Variants in EBF1 observed in about 807,000 individuals in gnomAD.
EBF1 encodes EBF transcription factor 1.
EBF1 carries 10 observed loss-of-function variants against 68.4 expected under a neutral mutation model. The ratio of observed to expected loss-of-function variants is 0.15; its 90% CI spans 0.09 to 0.25. The LOEUF (loss-of-function observed/expected upper bound fraction) is 0.25, where lower values mean the gene tolerates loss of function less well. EBF1 is among the 10% of genes least tolerant of loss of function. EBF1 has a pLI of 1.00. For missense variants in EBF1, 509 were observed against 794.4 expected (o/e 0.64, Z 4.32); for synonymous variants, 298 against 299.8 (o/e 0.99, Z 0.06).
At chr5:158,897,569 C>T (rs1802415359) in intron 6 of EBF1, among the ~76,000 whole-genome samples, 1 of 151,670 alleles carries the variant, frequency 6.6e-6, no homozygotes, top group South Asian at 2.1e-4. Flanking sequence ...TGGCCCTGAA[C>T]TTAAACGTTA....
intron 6 of EBF1, among the ~76,000 whole-genome samples, chr5:158,904,248 G>T (rs985304720): frequency 1.3e-5 from 2 of 152,178 alleles, no homozygotes; most frequent in Non-Finnish European, 2.9e-5. Context: ...CACAGTGCCT[G>T]CTTGAGAGGG....
At chr5:158,733,441 C>T (rs540660769) in intron 10 of EBF1, among the ~76,000 whole-genome samples, 9 of 152,070 alleles carry the variant, frequency 5.9e-5, no homozygotes, top group African/African-American at 2.2e-4. Context: ...TGATGTATGG[C>T]GGGGAGAGAG....
intron 6 of EBF1, among the ~76,000 whole-genome samples, chr5:158,918,884 C>T (rs1171231354): frequency 6.6e-6 from 1 of 152,212 alleles, no homozygotes; most frequent in Non-Finnish European, 1.5e-5. Flanking sequence ...TGCATGCTTG[C>T]TTTCTTGAAA....
chr5:158,712,557 C>T (rs368396208), intron 13 of EBF1, among the ~76,000 whole-genome samples: 1 of 152,084 alleles, frequency 6.6e-6, no homozygotes, highest in Admixed American at 6.5e-5. Flanking sequence ...TTAGCAGGGC[C>T]GTGAGAAATG....
At chr5:159,013,999 G>T (rs1341959396) in intron 6 of EBF1, among the ~76,000 whole-genome samples, 1 of 152,184 alleles carries the variant, frequency 6.6e-6, no homozygotes, top group East Asian at 1.9e-4. Context: ...TAAAGGGTAA[G>T]TTCCAAATTA....
intron 6 of EBF1, among the ~76,000 whole-genome samples, chr5:158,994,436 G>A (rs1162693919): frequency 6.6e-6 from 1 of 152,202 alleles, no homozygotes; most frequent in East Asian, 1.9e-4. Context: ...AAGTCTAAAT[G>A]TGTCTTGTTA....
intron 10 of EBF1, among the ~76,000 whole-genome samples, chr5:158,760,601 C>G (rs957453860): frequency 1.9e-4 from 29 of 152,100 alleles, no homozygotes; most frequent in Admixed American, 1.8e-3. Context: ...GCAACTATTC[C>G]AACTCTGCAG....
intron 8 of EBF1, among the ~76,000 whole-genome samples, chr5:158,806,274 C>G (rs77042966): frequency 1.3e-5 from 2 of 151,952 alleles, no homozygotes; most frequent in Non-Finnish European, 2.9e-5. Context: ...AAACAAGGTG[C>G]GAACGAAAGA....
intron 8 of EBF1, among the ~76,000 whole-genome samples, chr5:158,805,670 T>C (rs1781451377): frequency 6.6e-6 from 1 of 152,078 alleles, no homozygotes. Flanking sequence ...TGTCTTTCTC[T>C]TCCTATTGAA....
At chr5:158,779,024 T>G (rs1775882494) in intron 9 of EBF1, among the ~76,000 whole-genome samples, 1 of 152,070 alleles carries the variant, frequency 6.6e-6, no homozygotes, top group Non-Finnish European at 1.5e-5. Context: ...GAAATCGAGT[T>G]TAATAATGTA....
Position 158,696,306 on chromosome 5 carries a change from A to C in EBF1, c.*2805T>G. 1 of 220,792 alleles carries C rather than the reference A, an allele frequency of 4.5e-6. No homozygotes were observed. The highest frequency in any genetic ancestry group is 9.1e-6 in the Non-Finnish European group (1 of 110,232). The allele number at this position is 220,792 out of a possible 1,614,324, so 13.7% of individuals were successfully genotyped here. A position where few individuals can be genotyped will look rare whatever the true frequency, so the allele number is the denominator to read the frequency against. On this transcript the variant is annotated 3_prime_UTR_variant, in exon 16 of 16. Coordinates refer to ENST00000313708, the MANE Select transcript of EBF1 (RefSeq NM_024007.5). Reference sequence around the variant, plus strand: ...AAAACTTTTGTGGAGAAGAAAGAGGATCAGAGGGCCAGAATGTCTTTTCAT... The same window carrying C: ...AAAACTTTTGTGGAGAAGAAAGAGGCTCAGAGGGCCAGAATGTCTTTTCAT...
chr5:158,749,907 G>A (rs1444276962), intron 10 of EBF1, among the ~76,000 whole-genome samples: 1 of 152,094 alleles, frequency 6.6e-6, no homozygotes, highest in African/African-American at 2.4e-5. Flanking sequence ...GTCCCACTCT[G>A]AGTATTGAAT....
intron 7 of EBF1, among the ~76,000 whole-genome samples, chr5:158,838,445 CA>C (rs11464337): frequency 2.7e-4 from 30 of 110,518 alleles, no homozygotes; most frequent in African/African-American, 6.0e-4. Context: ...GACTCCATCT[CA>C]AAAAAAAAAA....
At chr5:158,755,199 C>A (rs1010157138) in intron 10 of EBF1, among the ~76,000 whole-genome samples, 3 of 151,592 alleles carry the variant, frequency 2.0e-5, no homozygotes. Flanking sequence ...ATAAAGACTG[C>A]CCATTGCCCA....
intron 10 of EBF1, among the ~76,000 whole-genome samples, chr5:158,761,909 A>C (rs1010667512): frequency 6.6e-6 from 1 of 152,222 alleles, no homozygotes; most frequent in South Asian, 2.1e-4. Flanking sequence ...GAACTTTATA[A>C]GAATAGTTCT....
At chr5:158,920,272 C>T (rs757349111) in intron 6 of EBF1, among the ~76,000 whole-genome samples, 1 of 152,170 alleles carries the variant, frequency 6.6e-6, no homozygotes, top group Admixed American at 6.5e-5. Context: ...TAGGGACATG[C>T]TCAGGTTTAC....
intron 6 of EBF1, among the ~76,000 whole-genome samples, chr5:159,014,684 CTG>C (rs1209561706): frequency 6.6e-6 from 1 of 152,160 alleles, no homozygotes; most frequent in Non-Finnish European, 1.5e-5. Flanking sequence ...ATAATAAAAA[CTG>C]TATTTCTCAA....
rs1776795595 is a variant in EBF1, at chr5:158,783,390, T to G, written c.910-5851A>C. Among the ~76,000 whole-genome samples the G allele has an allele frequency of 3.3e-5, 5 of 152,348 alleles. No homozygotes were observed. The South Asian group carries it at 1.0e-3, about 32-fold the overall frequency. On this transcript the variant is annotated intron_variant, in intron 9 of 15. Coordinates refer to ENST00000313708, the MANE Select transcript of EBF1 (RefSeq NM_024007.5). ...AAAACTTCAAAATGTTAATGGAAGT[T>G]ACCTCTAGATGGTAGAGGTATGGGT... is the stretch of plus-strand genomic sequence containing the variant.
At chr5:158,985,455 A>G (rs1758835460) in intron 6 of EBF1, among the ~76,000 whole-genome samples, 1 of 152,232 alleles carries the variant, frequency 6.6e-6, no homozygotes, top group South Asian at 2.1e-4. Flanking sequence ...AAGGCTAGAC[A>G]TCAGTATTTG....
Sources: allele counts gnomAD v4.1 joint callset (sites outside exome capture counted in the v4.1 genomes callset), GRCh38; gene constraint gnomAD v4.1.1; transcripts MANE v1.5; gene names NCBI Gene and HGNC (gene_info 2026-07-23, HGNC 2026-07-21).